The following PDE8B variants were observed in gnomAD, a reference collection of about 807,000 sequenced individuals.
PDE8B encodes high affinity cAMP-specific and IBMX-insensitive 3',5'-cyclic phosphodiesterase 8B.
Under a neutral mutation model 101.3 loss-of-function variants are expected in PDE8B, and 26 were observed. The observed-to-expected ratio is 0.26, with a 90% CI of 0.19 to 0.36. The LOEUF (loss-of-function observed/expected upper bound fraction) is 0.36. Among genes scored for constraint, PDE8B ranks in the 10% least tolerant of loss-of-function variants. The pLI is 1.00. For synonymous variants in PDE8B, 424 were observed against 429.3 expected (o/e 0.99, Z 0.15); for missense variants, 810 against 1,163.1 (o/e 0.70, Z 4.42).
At chr5:77,090,691 T>C in the PDE8B span, among the ~76,000 whole-genome samples, 1 of 152,232 alleles carries the variant, frequency 6.6e-6, no homozygotes, top group Non-Finnish European at 1.5e-5. Context: ...TACTCTTCTC[T>C]AAGACATCCA....
intron 5 of PDE8B, among the ~76,000 whole-genome samples, chr5:77,335,345 T>C (rs1401655359): frequency 6.6e-6 from 1 of 152,202 alleles, no homozygotes; most frequent in East Asian, 1.9e-4. Flanking sequence ...AATCTAACCA[T>C]GTTTAACTTT....
intron 10 of PDE8B, among the ~76,000 whole-genome samples, chr5:77,372,201 AAACAACAAC>A (rs3031818): frequency 2.0e-5 from 3 of 151,540 alleles, no homozygotes; most frequent in South Asian, 2.1e-4. Flanking sequence ...TTCTGTCTCA[AAACAACAAC>A]AACAACAACA....
chr5:77,426,873 C>CT lies in PDE8B; in HGVS notation c.*321dup. ...ACTAGCAGGCCACAGGAAGCAAAGC[C>CT]TTGGTGCCTGTGAGCTCATCTCCCA... On this transcript the variant is annotated 3_prime_UTR_variant, in exon 22 of 22. Transcript: ENST00000264917. 1 of 359,434 alleles carries CT rather than the reference C, an allele frequency of 2.8e-6. No individual in the cohort carries two copies. The highest frequency in any genetic ancestry group is 2.4e-5 in the South Asian group (1 of 41,280). The allele number at this position is 359,434 out of a possible 1,614,324, so 22.3% of individuals were successfully genotyped here. A position where few individuals can be genotyped will look rare whatever the true frequency, so the allele number is the denominator to read the frequency against.
At chr5:77,261,781 A>G (rs564549561) in intron 1 of PDE8B, among the ~76,000 whole-genome samples, 8 of 152,226 alleles carry the variant, frequency 5.3e-5, no homozygotes, top group Admixed American at 3.3e-4. Flanking sequence ...CTAAATCCCA[A>G]TGGTTGCCGG....
At position 77,371,157 on chromosome 5, in the gene PDE8B, G is replaced by A. The variant is rs150834266; in HGVS notation, c.1167+17751G>A. Among the ~76,000 whole-genome samples the A allele has an allele frequency of 5.3e-3, 806 of 152,222 alleles. 6 individuals are homozygous for A. Among genetic ancestry groups the A allele is most frequent in the African/African-American group, 0.018 (753 of 41,548 alleles). On this transcript the variant is annotated intron_variant, in intron 10 of 21. Coordinates refer to ENST00000264917, the MANE Select transcript of PDE8B (RefSeq NM_003719.5). The stretch of plus-strand genomic sequence containing the variant: ...ATAGTTTAATTTGTTAATATTTTAT[G>A]TTCGTTGTTTTCTGTGACCTACCTA...
At chr5:77,424,927 C>T (rs1028058212) in intron 20 of PDE8B, among the ~76,000 whole-genome samples, 2 of 151,832 alleles carry the variant, frequency 1.3e-5, no homozygotes, top group Non-Finnish European at 1.5e-5. Flanking sequence ...AGGCCCCAAG[C>T]GAACCTCCTG....
the PDE8B span, among the ~76,000 whole-genome samples, chr5:77,158,083 A>G: frequency 3.3e-5 from 5 of 152,322 alleles, no homozygotes; most frequent in South Asian, 8.3e-4. Flanking sequence ...GAGGCAGATA[A>G]CTTGTCCTGG....
At chr5:77,296,065 G>A (rs764427681) in intron 1 of PDE8B, among the ~76,000 whole-genome samples, 4 of 152,154 alleles carry the variant, frequency 2.6e-5, no homozygotes, top group Non-Finnish European at 4.4e-5. Flanking sequence ...TCCAAGTCAC[G>A]TGACTACTCC....
chr5:77,093,914 C>T, the PDE8B span, among the ~76,000 whole-genome samples: 1 of 151,954 alleles, frequency 6.6e-6, no homozygotes, highest in East Asian at 1.9e-4. Flanking sequence ...CTTTGGCCGC[C>T]GGGAGGGCTG....
intron 2 of PDE8B, among the ~76,000 whole-genome samples, chr5:77,323,733 C>T (rs573536531): frequency 6.1e-4 from 93 of 152,084 alleles, no homozygotes; most frequent in Non-Finnish European, 1.0e-3. Context: ...CCGAGGTGGG[C>T]GGATCATGAG....
At chr5:77,216,521 A>G (rs142451611) in intron 1 of PDE8B, among the ~76,000 whole-genome samples, 1,717 of 152,294 alleles carry the variant, frequency 0.011, 31 homozygotes, top group African/African-American at 0.039. Flanking sequence ...CCATGATTCA[A>G]TTACCTCTCA....
chr5:77,394,395 C>T (rs1482770441), intron 10 of PDE8B, among the ~76,000 whole-genome samples: 6 of 152,116 alleles, frequency 3.9e-5, no homozygotes, highest in Non-Finnish European at 7.4e-5. Flanking sequence ...CTATATAAAC[C>T]ATTTCCATTT....
At chr5:77,381,098 G>A (rs1254231384) in intron 10 of PDE8B, among the ~76,000 whole-genome samples, 2 of 152,206 alleles carry the variant, frequency 1.3e-5, no homozygotes, top group Non-Finnish European at 2.9e-5. Flanking sequence ...GAGCTGGCAG[G>A]GACCAGGCCA....
chr5:77,256,075 T>G (rs972426183), intron 1 of PDE8B, among the ~76,000 whole-genome samples: 12 of 152,228 alleles, frequency 7.9e-5, no homozygotes, highest in African/African-American at 2.9e-4. Context: ...GTTGTCATTA[T>G]CTCATGGGAA....
intron 21 of PDE8B, 40 bp downstream of exon 21, chr5:77,425,936 A>G (rs1797997349): frequency 1.3e-6 from 2 of 1,584,594 alleles, no homozygotes; most frequent in South Asian, 1.1e-5. Flanking sequence ...GAAAATTGTT[A>G]TACTTTACGA....
chr5:77,190,675 C>T, the PDE8B span, among the ~76,000 whole-genome samples: 1 of 152,130 alleles, frequency 6.6e-6, no homozygotes, highest in African/African-American at 2.4e-5. Flanking sequence ...TCAATCATGG[C>T]TTTTTTAGAC....
intron 1 of PDE8B, among the ~76,000 whole-genome samples, chr5:77,252,872 A>G (rs1033171818): frequency 6.6e-6 from 1 of 152,204 alleles, no homozygotes; most frequent in African/African-American, 2.4e-5. Context: ...ATCAGAGTTT[A>G]AGGAGATAAT....
At chr5:77,406,987 C>G (rs1159116664) in intron 12 of PDE8B, among the ~76,000 whole-genome samples, 1 of 152,126 alleles carries the variant, frequency 6.6e-6, no homozygotes. Context: ...GCACAGTCAT[C>G]TGGTTACACG....
At chr5:77,411,803 G>C in intron 15 of PDE8B, 82 bp downstream of exon 15, 1 of 1,088,618 alleles carries the variant, frequency 9.2e-7, no homozygotes, top group Non-Finnish European at 1.4e-6. Flanking sequence ...TGTTCTGGGA[G>C]GTGTTACTTC....
Sources: gnomAD v4.1 joint callset for allele counts (sites outside exome capture counted in the v4.1 genomes callset) on GRCh38, gnomAD v4.1.1 for gene constraint, MANE v1.5 for transcripts, NCBI Gene and HGNC (gene_info 2026-07-23, HGNC 2026-07-21) for gene names.